The following TMC1 variants were observed in gnomAD, a reference collection of about 807,000 sequenced individuals.
TMC1 encodes transmembrane channel like 1.
Under a neutral mutation model 105.8 loss-of-function variants are expected in TMC1, and 84 were observed. That is an observed-to-expected ratio of 0.79 (90% confidence interval 0.67 to 0.95). The LOEUF is 0.95. Among genes scored for constraint, TMC1 ranks in the 40% least tolerant of loss-of-function variants. The pLI, the probability that TMC1 is intolerant of heterozygous loss-of-function variation, is 0.00. For synonymous variants in TMC1, 315 were observed against 311.5 expected (o/e 1.01, Z -0.12); for missense variants, 817 against 914.1 (o/e 0.89, Z 1.37).
intron 1 of TMC1, among the ~76,000 whole-genome samples, chr9:72,552,639 A>G (rs930848453): frequency 6.6e-6 from 1 of 152,234 alleles, no homozygotes; most frequent in South Asian, 2.1e-4. Context: ...AGGATTAGCT[A>G]AAATTTTAAT....
chr9:72,686,035 T>C (rs1826374865), intron 5 of TMC1, among the ~76,000 whole-genome samples: 1 of 152,172 alleles, frequency 6.6e-6, no homozygotes, highest in Non-Finnish European at 1.5e-5. Flanking sequence ...TTGCTGTTGT[T>C]TCTTTTTACT....
intron 17 of TMC1, among the ~76,000 whole-genome samples, chr9:72,797,901 C>T (rs1266500462): frequency 2.0e-5 from 3 of 152,078 alleles, no homozygotes; most frequent in Non-Finnish European, 2.9e-5. Context: ...TCCAGCACAG[C>T]AAAAGAAACT....
rs60808924 is a variant in TMC1, at chr9:72,609,179, CCCTTCCTTCCTTCCTTCCTT to C, written c.-305-7156_-305-7137del. Among the ~76,000 whole-genome samples the C allele has an allele frequency of 7.9e-3, 1,081 of 136,164 alleles. 13 individuals are homozygous for C. The highest frequency in any genetic ancestry group is 0.026 in the African/African-American group (917 of 34,886). The allele number at this position is 136,164 out of a possible 152,430, so 89.3% of individuals were successfully genotyped here. A position where few individuals can be genotyped will look rare whatever the true frequency, so the allele number is the denominator to read the frequency against. On this transcript the variant is annotated intron_variant, in intron 2 of 23. Transcript: ENST00000297784. The stretch of plus-strand genomic sequence containing the variant: ...TTCTTCCTTCCCTCGCTTCCTCCTT[CCCTTCCTTCCTTCCTTCCTT>C]CCTTCCTTCCTTCCTTCCTTCCTTC...
intron 8 of TMC1, among the ~76,000 whole-genome samples, chr9:72,723,173 TA>T (rs1412584413): frequency 6.6e-6 from 1 of 152,188 alleles, no homozygotes; most frequent in Non-Finnish European, 1.5e-5. Context: ...TTTTTTAAAC[TA>T]AAAAAACTGC....
At chr9:72,755,292 C>T (rs968917590) in intron 12 of TMC1, among the ~76,000 whole-genome samples, 1 of 152,094 alleles carries the variant, frequency 6.6e-6, no homozygotes. Context: ...GAAGAGTTTG[C>T]AAATGTGCTT....
At chr9:72,586,936 A>G (rs528441505) in intron 2 of TMC1, among the ~76,000 whole-genome samples, 2 of 152,274 alleles carry the variant, frequency 1.3e-5, no homozygotes, top group African/African-American at 4.8e-5. Context: ...TGGTGGTTGC[A>G]TCAATTGGTG....
chr9:72,667,182 G>T (rs1826057221), intron 5 of TMC1, among the ~76,000 whole-genome samples: 1 of 152,180 alleles, frequency 6.6e-6, no homozygotes, highest in Admixed American at 6.5e-5. Context: ...AGTGATAACT[G>T]GTAGATTTGG....
intron 2 of TMC1, among the ~76,000 whole-genome samples, chr9:72,592,186 C>A (rs779727201): frequency 6.6e-6 from 1 of 152,166 alleles, no homozygotes; most frequent in Non-Finnish European, 1.5e-5. Flanking sequence ...ACGAGTTTCA[C>A]TATTCATTGA....
chr9:72,673,830 T>C (rs2132170946), intron 5 of TMC1, among the ~76,000 whole-genome samples: 1 of 152,282 alleles, frequency 6.6e-6, no homozygotes, highest in Non-Finnish European at 1.5e-5. Context: ...CCTAGAGAAT[T>C]GTACCCAATA....
chr9:72,727,698 T>A (rs2793166), intron 8 of TMC1, among the ~76,000 whole-genome samples: 5 of 151,858 alleles, frequency 3.3e-5, no homozygotes, highest in Admixed American at 3.3e-4. Context: ...TTCATTTGTG[T>A]GTTTTAGGTC....
chr9:72,774,215 G>A (rs1490256147), intron 13 of TMC1, among the ~76,000 whole-genome samples: 1 of 152,148 alleles, frequency 6.6e-6, no homozygotes, highest in South Asian at 2.1e-4. Flanking sequence ...TCTGGCAGAT[G>A]AATTTAAAGT....
chr9:72,671,673 G>A (rs535430668), intron 5 of TMC1, among the ~76,000 whole-genome samples: 64 of 152,054 alleles, frequency 4.2e-4, no homozygotes, highest in African/African-American at 1.5e-3. Context: ...GGGCTTGAGG[G>A]GTGTCCTGGA....
intron 2 of TMC1, among the ~76,000 whole-genome samples, chr9:72,614,453 C>T (rs1825087401): frequency 6.6e-6 from 1 of 152,130 alleles, no homozygotes; most frequent in Non-Finnish European, 1.5e-5. Context: ...AAAGCAATGT[C>T]TATACACTGG....
chr9:72,725,464 G>A (rs1483194794), intron 8 of TMC1, among the ~76,000 whole-genome samples: 4 of 150,792 alleles, frequency 2.7e-5, no homozygotes, highest in African/African-American at 9.7e-5. Context: ...TCTGCAAGCT[G>A]AGGAGCAAGG....
chr9:72,528,996 CTACT>C (rs1413438193), intron 1 of TMC1, among the ~76,000 whole-genome samples: 2 of 151,236 alleles, frequency 1.3e-5, no homozygotes, highest in African/African-American at 4.9e-5. Flanking sequence ...CGTATAATAA[CTACT>C]TACAGAGCAT....
At chr9:72,545,950 C>CAA (rs566351959) in intron 1 of TMC1, among the ~76,000 whole-genome samples, 41,740 of 145,816 alleles carry the variant, frequency 0.29, 6,305 homozygotes, top group African/African-American at 0.38. Flanking sequence ...TGTCATCGCT[C>CAA]AAAAAAAAAA....
chr9:72,824,053 C>T (rs569103557), intron 20 of TMC1, among the ~76,000 whole-genome samples: 2 of 152,374 alleles, frequency 1.3e-5, no homozygotes, highest in South Asian at 2.1e-4. Context: ...GTCTACTCGG[C>T]CTGCTGTGCT....
chr9:72,723,772 C>A (rs1827071759), intron 8 of TMC1, among the ~76,000 whole-genome samples: 1 of 152,048 alleles, frequency 6.6e-6, no homozygotes, highest in Admixed American at 6.6e-5. Flanking sequence ...TTTTGTCTAC[C>A]AAGAATTCCC....
intron 2 of TMC1, among the ~76,000 whole-genome samples, chr9:72,597,599 GGGCATATTGAGAGCT>G (rs1429488484): frequency 2.0e-5 from 3 of 152,108 alleles, no homozygotes; most frequent in African/African-American, 7.2e-5. Flanking sequence ...TGATTCTTAG[GGGCATATTGAGAGCT>G]GGCAATGATA....
Sources: allele counts gnomAD v4.1 joint callset (sites outside exome capture counted in the v4.1 genomes callset), GRCh38; gene constraint gnomAD v4.1.1; transcripts MANE v1.5; gene names NCBI Gene and HGNC (gene_info 2026-07-23, HGNC 2026-07-21).